The following C2orf76 variants were observed in gnomAD, a reference collection of about 807,000 sequenced individuals.
C2orf76 encodes UPF0538 protein C2orf76.
Under a neutral mutation model 16.9 loss-of-function variants are expected in C2orf76, and 23 were observed. The ratio of observed to expected loss-of-function variants is 1.36; its 90% CI spans 0.98 to 1.93. The LOEUF is 1.93. Among genes scored for constraint, C2orf76 ranks in the 30% most tolerant of loss-of-function variants. The pLI is 0.00. For synonymous variants in C2orf76, 48 were observed against 52.3 expected (o/e 0.92, Z 0.35); for missense variants, 152 against 152.6 (o/e 1.00, Z 0.02).
intron 1 of C2orf76, among the ~76,000 whole-genome samples, chr2:119,350,494 A>C (rs2104629472): frequency 6.6e-6 from 1 of 152,310 alleles, no homozygotes; most frequent in East Asian, 1.9e-4. Flanking sequence ...GCAAAGCAAA[A>C]CAAAGCTCTT....
intron 1 of C2orf76, among the ~76,000 whole-genome samples, chr2:119,358,845 C>A (rs1022712779): frequency 1.1e-4 from 16 of 152,178 alleles, no homozygotes; most frequent in African/African-American, 3.9e-4. Context: ...GCCTCAGGTG[C>A]TGATGTAGAA....
intron 5 of C2orf76, among the ~76,000 whole-genome samples, chr2:119,309,242 T>C (rs1678898480): frequency 6.6e-6 from 1 of 152,180 alleles, no homozygotes; most frequent in African/African-American, 2.4e-5. Context: ...AGTATCTATG[T>C]ACTCATTTCT....
intron 1 of C2orf76, among the ~76,000 whole-genome samples, chr2:119,342,944 A>G (rs1680082144): frequency 1.3e-5 from 2 of 152,070 alleles, no homozygotes; most frequent in Non-Finnish European, 2.9e-5. Flanking sequence ...TAATTTTTGT[A>G]TTTTTAGTAG....
chr2:119,320,929 C>T (rs148538494), intron 3 of C2orf76, among the ~76,000 whole-genome samples: 41 of 152,210 alleles, frequency 2.7e-4, no homozygotes, highest in South Asian at 6.2e-4. Flanking sequence ...CAGAGAAACT[C>T]GTTTTAAACA....
intron 2 of C2orf76, among the ~76,000 whole-genome samples, chr2:119,324,553 T>C (rs1679448510): frequency 6.6e-6 from 1 of 152,222 alleles, no homozygotes; most frequent in South Asian, 2.1e-4. Flanking sequence ...GTTTTCTTCA[T>C]TGTGTTGTCA....
chr2:119,291,653 T>C, the C2orf76 span, among the ~76,000 whole-genome samples: 1 of 151,852 alleles, frequency 6.6e-6, no homozygotes, highest in Admixed American at 6.6e-5. Context: ...TGGTTGGAGC[T>C]GACAGGTGGA....
At position 119,311,711 on chromosome 2, in the gene C2orf76, A is replaced by C; in HGVS notation, c.223-8T>G. 1 of 1,602,256 alleles carries C rather than the reference A, an allele frequency of 6.2e-7. No individual in the cohort carries two copies. Among genetic ancestry groups the C allele is most frequent in the East Asian group, 2.2e-5 (1 of 44,806 alleles). On this transcript the variant is annotated splice_region_variant and splice_polypyrimidine_tract_variant and intron_variant, in intron 4 of 5. Transcript: ENST00000334816. ...CAACACAAGTTCATTTGTCTAAAAA[A>C]AAAAAAGAAAATCTGCATTTTATCA...
chr2:119,297,115 T>G, the C2orf76 span, among the ~76,000 whole-genome samples: 22 of 152,364 alleles, frequency 1.4e-4, 1 homozygote, highest in African/African-American at 5.3e-4. Flanking sequence ...CCTGCTAGGC[T>G]CTGTCCGTAA....
chr2:119,302,319 G>A lies in C2orf76; in HGVS notation c.*153C>T, dbSNP rs113863456. On this transcript the variant is annotated 3_prime_UTR_variant, in exon 6 of 6. Transcript: ENST00000334816. ...ACAACAAAGAAAAAGAAAGAGAGAA[G>A]GAAAGACCTGAAGAGAAAGAAATAA... 9.5e-5 allele frequency: 39 copies of A among 412,298 alleles called. No homozygotes were observed. The highest frequency in any genetic ancestry group is 6.8e-4 in the African/African-American group (33 of 48,206). The allele number at this position is 412,298 out of a possible 1,614,324, so 25.5% of individuals were successfully genotyped here. A position where few individuals can be genotyped will look rare whatever the true frequency, so the allele number is the denominator to read the frequency against.
chr2:119,353,677 C>T (rs937799001), intron 1 of C2orf76, among the ~76,000 whole-genome samples: 6 of 151,288 alleles, frequency 4.0e-5, no homozygotes, highest in South Asian at 2.1e-4. Context: ...GATTCTCCTG[C>T]GCAGCCTCCA....
intron 5 of C2orf76, among the ~76,000 whole-genome samples, chr2:119,306,724 C>G (rs1678798584): frequency 6.6e-6 from 1 of 152,062 alleles, no homozygotes. Context: ...AGGTAAAAGT[C>G]TCTTCTTGCT....
chr2:119,317,917 A>C (rs1679225596), intron 3 of C2orf76, among the ~76,000 whole-genome samples: 2 of 152,214 alleles, frequency 1.3e-5, no homozygotes, highest in Non-Finnish European at 2.9e-5. Context: ...TTCAGATGAG[A>C]TATAATGACA....
At chr2:119,352,157 G>C (rs1296536139) in intron 1 of C2orf76, among the ~76,000 whole-genome samples, 1 of 152,116 alleles carries the variant, frequency 6.6e-6, no homozygotes, top group Non-Finnish European at 1.5e-5. Context: ...GCCACACGCA[G>C]GTTTCCAAGA....
At chr2:119,352,635 T>C (rs1338284456) in intron 1 of C2orf76, among the ~76,000 whole-genome samples, 1 of 152,248 alleles carries the variant, frequency 6.6e-6, no homozygotes, top group Admixed American at 6.5e-5. Context: ...TGGGTATTTA[T>C]AGACAGAAAA....
the C2orf76 span, among the ~76,000 whole-genome samples, chr2:119,282,521 C>T: frequency 1.2e-4 from 19 of 152,290 alleles, no homozygotes; most frequent in South Asian, 8.3e-4. Context: ...CCACTTGAGA[C>T]GCCTGGCTGG....
intron 2 of C2orf76, among the ~76,000 whole-genome samples, chr2:119,331,722 G>A (rs1302331940): frequency 6.6e-6 from 1 of 152,084 alleles, no homozygotes; most frequent in Admixed American, 6.6e-5. Context: ...CCCAATCCCA[G>A]GGAAATGATT....
intron 1 of C2orf76, among the ~76,000 whole-genome samples, chr2:119,363,028 A>C (rs1573697672): frequency 4.9e-5 from 7 of 142,498 alleles, no homozygotes; most frequent in African/African-American, 8.0e-5. Flanking sequence ...TTCTTACCCC[A>C]CCCCCACCAA....
At chr2:119,336,270 G>A (rs1298416288) in intron 2 of C2orf76, among the ~76,000 whole-genome samples, 2 of 151,996 alleles carry the variant, frequency 1.3e-5, no homozygotes, top group Non-Finnish European at 2.9e-5. Flanking sequence ...GCGCACACCT[G>A]TAATCCCAGC....
At chr2:119,334,876 C>T (rs1679797771) in intron 2 of C2orf76, among the ~76,000 whole-genome samples, 1 of 152,122 alleles carries the variant, frequency 6.6e-6, no homozygotes, top group Non-Finnish European at 1.5e-5. Flanking sequence ...TGTAAGACTA[C>T]AGTGCTTATG....
Sources: gnomAD v4.1 joint callset for allele counts (sites outside exome capture counted in the v4.1 genomes callset) on GRCh38, gnomAD v4.1.1 for gene constraint, MANE v1.5 for transcripts, NCBI Gene and HGNC (gene_info 2026-07-23, HGNC 2026-07-21) for gene names.